The following NPAS3 variants were observed in gnomAD, a reference collection of about 807,000 sequenced individuals.
NPAS3 encodes the protein neuronal PAS domain protein 3.
In NPAS3, 14 loss-of-function variants were observed where a neutral mutation model predicts 73.1. The ratio of observed to expected loss-of-function variants is 0.19; its 90% CI spans 0.13 to 0.30. The LOEUF (loss-of-function observed/expected upper bound fraction) is 0.30. NPAS3 is among the 10% of genes least tolerant of loss of function. The pLI, the probability that NPAS3 is intolerant of heterozygous loss-of-function variation, is 1.00. For missense variants in NPAS3, 1,096 were observed against 1,250.0 expected, an observed-to-expected ratio of 0.88 and a Z score of 1.86; for synonymous variants, 620 against 541.5, an observed-to-expected ratio of 1.14 and a Z score of -2.01.
At chr14:33,446,447 T>A (rs1291793536) in intron 4 of NPAS3, among the ~76,000 whole-genome samples, 6 of 151,496 alleles carry the variant, frequency 4.0e-5, no homozygotes, top group Non-Finnish European at 8.8e-5. Context: ...AGTGCTGGGA[T>A]TACAGGCGTG....
chr14:33,225,449 A>G (rs144983122), intron 3 of NPAS3, among the ~76,000 whole-genome samples: 373 of 152,318 alleles, frequency 2.4e-3, no homozygotes, highest in Non-Finnish European at 4.6e-3. Flanking sequence ...ATAGAGTTCT[A>G]TAACAGGAGT....
chr14:33,133,246 G>A (rs1200263833), intron 2 of NPAS3, among the ~76,000 whole-genome samples: 1 of 152,056 alleles, frequency 6.6e-6, no homozygotes, highest in East Asian at 1.9e-4. Flanking sequence ...ATGAAGGCAA[G>A]GATATGCACA....
chr14:33,261,518 A>T (rs1164881845), intron 3 of NPAS3, among the ~76,000 whole-genome samples: 1 of 152,118 alleles, frequency 6.6e-6, no homozygotes, highest in African/African-American at 2.4e-5. Context: ...ACCAGTAAAA[A>T]ATATATATGT....
At chr14:33,359,799 C>T (rs2045508788) in intron 3 of NPAS3, among the ~76,000 whole-genome samples, 1 of 152,132 alleles carries the variant, frequency 6.6e-6, no homozygotes, top group African/African-American at 2.4e-5. Context: ...CTTTGAGAGC[C>T]GTTATCAGAG....
At chr14:33,351,298 G>A (rs939151523) in intron 3 of NPAS3, among the ~76,000 whole-genome samples, 3 of 152,142 alleles carry the variant, frequency 2.0e-5, no homozygotes, top group Non-Finnish European at 4.4e-5. Context: ...AGATGGGGTC[G>A]ACGACAAACA....
chr14:33,617,502 G>A (rs1296357596), intron 5 of NPAS3, among the ~76,000 whole-genome samples: 1 of 152,160 alleles, frequency 6.6e-6, no homozygotes, highest in Non-Finnish European at 1.5e-5. Context: ...TCTGTGAAGA[G>A]CTGATGGTTT....
chr14:33,484,523 T>G (rs1193365508), intron 4 of NPAS3, among the ~76,000 whole-genome samples: 1 of 152,188 alleles, frequency 6.6e-6, no homozygotes, highest in African/African-American at 2.4e-5. Context: ...CAGAAAGGAC[T>G]GTCAGAATAA....
chr14:33,456,480 T>G (rs913597361), intron 4 of NPAS3, among the ~76,000 whole-genome samples: 48 of 152,158 alleles, frequency 3.2e-4, no homozygotes, highest in African/African-American at 1.2e-3. Flanking sequence ...TTATGAGCAT[T>G]TAGTGTTTTC....
chr14:33,139,222 A>G (rs531892073), intron 2 of NPAS3, among the ~76,000 whole-genome samples: 4 of 152,128 alleles, frequency 2.6e-5, no homozygotes, highest in South Asian at 2.1e-4. Context: ...GCATCCAACT[A>G]TAGGATTTTG....
intron 1 of NPAS3, among the ~76,000 whole-genome samples, chr14:33,032,765 C>T (rs1365839934): frequency 6.6e-6 from 1 of 152,240 alleles, no homozygotes; most frequent in Non-Finnish European, 1.5e-5. Flanking sequence ...CACTTCTCCA[C>T]ACCCTTCCAG....
chr14:33,768,428 G>A (rs1351235682), intron 7 of NPAS3, among the ~76,000 whole-genome samples: 1 of 152,136 alleles, frequency 6.6e-6, no homozygotes. Context: ...CCCAGCATTG[G>A]CCAGAACCAA....
intron 4 of NPAS3, among the ~76,000 whole-genome samples, chr14:33,523,911 T>A (rs2053673460): frequency 6.7e-6 from 1 of 148,360 alleles, no homozygotes; most frequent in Non-Finnish European, 1.5e-5. Context: ...ACCTACGCCT[T>A]GAGACAAGAG....
intron 4 of NPAS3, among the ~76,000 whole-genome samples, chr14:33,511,955 G>GATGT (rs1374619973): frequency 3.3e-5 from 5 of 151,966 alleles, no homozygotes; most frequent in Admixed American, 6.6e-5. Context: ...TTAGGTCTAG[G>GATGT]ATGTGGCTAG....
intron 6 of NPAS3, among the ~76,000 whole-genome samples, chr14:33,699,668 T>C (rs1566440495): frequency 6.6e-6 from 1 of 152,212 alleles, no homozygotes; most frequent in African/African-American, 2.4e-5. Context: ...ATTTGGGATT[T>C]TTCTCCAAGG....
intron 7 of NPAS3, among the ~76,000 whole-genome samples, chr14:33,753,358 T>TAAAAAAA (rs34619014): frequency 3.9e-5 from 5 of 129,460 alleles, no homozygotes; most frequent in African/African-American, 1.4e-4. Context: ...GTTAAATTGA[T>TAAAAAAA]AAAAAAAAAA....
intron 4 of NPAS3, among the ~76,000 whole-genome samples, chr14:33,557,185 TC>T (rs11342005): frequency 0.67 from 101,551 of 151,994 alleles, 34,285 homozygotes; most frequent in East Asian, 0.75. Flanking sequence ...CTATACTACA[TC>T]CCTGCGCTTG....
chr14:33,697,693 G>C (rs2060421489), intron 6 of NPAS3, among the ~76,000 whole-genome samples: 1 of 152,200 alleles, frequency 6.6e-6, no homozygotes, highest in African/African-American at 2.4e-5. Flanking sequence ...TAACTTATCT[G>C]CTGACTGTCT....
chr14:33,555,112 T>G (rs1381672113), intron 4 of NPAS3, among the ~76,000 whole-genome samples: 5 of 152,180 alleles, frequency 3.3e-5, no homozygotes, highest in Admixed American at 1.3e-4. Flanking sequence ...AAAGGAAATC[T>G]CCGATCAGCC....
At chr14:33,345,392 G>A (rs1038792126) in intron 3 of NPAS3, among the ~76,000 whole-genome samples, 4 of 152,190 alleles carry the variant, frequency 2.6e-5, no homozygotes, top group African/African-American at 7.2e-5. Flanking sequence ...GAATGTTCAG[G>A]TCATAGATAT....
Sources: allele counts gnomAD v4.1 joint callset (sites outside exome capture counted in the v4.1 genomes callset), GRCh38; gene constraint gnomAD v4.1.1; transcripts MANE v1.5; gene names NCBI Gene and HGNC (gene_info 2026-07-23, HGNC 2026-07-21).